Variants in MCC observed in about 807,000 individuals in gnomAD.
MCC encodes colorectal mutant cancer protein.
MCC carries 90 observed loss-of-function variants against 116.2 expected under a neutral mutation model. The observed-to-expected ratio is 0.77, with a 90% CI of 0.65 to 0.92. The LOEUF (loss-of-function observed/expected upper bound fraction) is 0.92, where lower values mean the gene tolerates loss of function less well. MCC is among the 40% of genes least tolerant of loss of function. The probability of loss-of-function intolerance (pLI) is 0.00; values close to 1 mark genes in which losing one functional copy is unlikely to be tolerated. For synonymous variants in MCC, 578 were observed against 510.5 expected (o/e 1.13, Z -1.78); for missense variants, 1,516 against 1,312.2 (o/e 1.16, Z -2.40).
intron 3 of MCC, among the ~76,000 whole-genome samples, chr5:113,253,402 G>A (rs143084562): frequency 5.6e-4 from 86 of 152,304 alleles, no homozygotes; most frequent in African/African-American, 1.9e-3. Context: ...CTGCCAGGAG[G>A]GACTTGCAGA....
intron 8 of MCC, among the ~76,000 whole-genome samples, 194 bp from the exon 9 acceptor site, chr5:113,085,504 C>G (rs1428247681): frequency 6.6e-6 from 1 of 151,866 alleles, no homozygotes; most frequent in East Asian, 1.9e-4. Context: ...GAATCGGTTT[C>G]TTAAATCACA....
chr5:113,190,100 G>A (rs1406920935), intron 3 of MCC, among the ~76,000 whole-genome samples: 2 of 152,218 alleles, frequency 1.3e-5, no homozygotes, highest in East Asian at 3.8e-4. Context: ...GTGTTAAGGT[G>A]TCTATAAGGT....
At chr5:113,048,041 G>T (rs1350407589) in intron 16 of MCC, among the ~76,000 whole-genome samples, 2 of 152,216 alleles carry the variant, frequency 1.3e-5, no homozygotes, top group Non-Finnish European at 2.9e-5. Context: ...GGAGAGAAGA[G>T]AGCCCGTTAG....
At chr5:113,379,643 T>C (rs1480800132) in intron 2 of MCC, among the ~76,000 whole-genome samples, 1 of 152,208 alleles carries the variant, frequency 6.6e-6, no homozygotes, top group East Asian at 1.9e-4. Context: ...ATTTGTATTA[T>C]TGCTACAAGT....
At chr5:113,121,380 T>C (rs1164990297) in intron 6 of MCC, among the ~76,000 whole-genome samples, 1 of 152,232 alleles carries the variant, frequency 6.6e-6, no homozygotes, top group Admixed American at 6.5e-5. Context: ...TGTAAGACTC[T>C]GCATGGCCTA....
intron 8 of MCC, among the ~76,000 whole-genome samples, chr5:113,092,803 T>C (rs980803259): frequency 2.6e-5 from 4 of 152,178 alleles, no homozygotes; most frequent in African/African-American, 9.7e-5. Flanking sequence ...GGGTACTTGG[T>C]CAAAGCAAGA....
At chr5:113,442,795 G>T (rs940406776) in intron 1 of MCC, among the ~76,000 whole-genome samples, 1 of 152,180 alleles carries the variant, frequency 6.6e-6, no homozygotes, top group Non-Finnish European at 1.5e-5. Context: ...GTTTGTCAAA[G>T]ATCAGATAGT....
At chr5:113,039,742 T>C (rs1349131435) in intron 17 of MCC, among the ~76,000 whole-genome samples, 1 of 113,280 alleles carries the variant, frequency 8.8e-6, no homozygotes, top group African/African-American at 3.5e-5. Flanking sequence ...CAGGATCACA[T>C]GGAGAGCAGC....
chr5:113,151,330 T>C lies in MCC; in HGVS notation c.720A>G (p.Glu240=), dbSNP rs370741528. 2.0e-5 allele frequency: 32 copies of C among 1,613,260 alleles called. No individual in the cohort carries two copies. Among genetic ancestry groups the C allele is most frequent in the African/African-American group, 1.1e-4 (8 of 74,910 alleles). Residue 240 remains glutamate, a synonymous_variant, in exon 4 of 19, where the codon GAA becomes GAG. Coordinates refer to ENST00000408903, the MANE Select transcript of MCC (RefSeq NM_001085377.2). ...QQTERERDLL[E]KKLAKAQCEQ... The stretch of plus-strand genomic sequence containing the variant: ...TTACCTGTGCCTTGGCCAATTTCTT[T>C]TCCAGAAGGTCCCGTTCCCTCTCTG...
chr5:113,317,008 T>C (rs775569881), intron 3 of MCC, among the ~76,000 whole-genome samples: 2 of 152,250 alleles, frequency 1.3e-5, no homozygotes, highest in Non-Finnish European at 1.5e-5. Flanking sequence ...TCCTGATTCC[T>C]TTTAGTTATT....
intron 1 of MCC, among the ~76,000 whole-genome samples, chr5:113,386,427 C>G (rs1769256320): frequency 1.3e-5 from 2 of 152,088 alleles, no homozygotes; most frequent in Non-Finnish European, 2.9e-5. Context: ...CTCATTCACT[C>G]CTCCTTATCC....
chr5:113,209,720 G>A (rs1257207842), intron 3 of MCC, among the ~76,000 whole-genome samples: 3 of 152,132 alleles, frequency 2.0e-5, no homozygotes, highest in African/African-American at 7.2e-5. Context: ...TAGTGTCAGT[G>A]GGTCAGGAGC....
At chr5:113,467,455 G>T (rs1340383267) in intron 1 of MCC, among the ~76,000 whole-genome samples, 13 of 152,170 alleles carry the variant, frequency 8.5e-5, no homozygotes, top group Non-Finnish European at 1.2e-4. Context: ...CTTTCCCATT[G>T]CTTGTTTTTG....
At chr5:113,085,138 C>G (rs201658365) in intron 9 of MCC, 26 bp downstream of exon 9, 1 of 1,613,786 alleles carries the variant, frequency 6.2e-7, no homozygotes, top group African/African-American at 1.3e-5. Flanking sequence ...TGTTCCCGCT[C>G]ATCGGGTCCA....
At chr5:113,088,365 G>C (rs1165101684) in intron 8 of MCC, among the ~76,000 whole-genome samples, 1 of 151,834 alleles carries the variant, frequency 6.6e-6, no homozygotes, top group South Asian at 2.1e-4. Flanking sequence ...ATAGTTAATA[G>C]AGTTCTCACT....
chr5:113,471,175 C>T (rs1012616995), intron 1 of MCC, among the ~76,000 whole-genome samples: 23 of 152,330 alleles, frequency 1.5e-4, no homozygotes, highest in Middle Eastern at 3.4e-3. Flanking sequence ...TCTCTCAACT[C>T]GTCAAAGTCA....
intron 16 of MCC, among the ~76,000 whole-genome samples, chr5:113,048,012 G>A (rs1752225288): frequency 6.6e-6 from 1 of 152,184 alleles, no homozygotes; most frequent in Non-Finnish European, 1.5e-5. Flanking sequence ...GCAGGAAGGA[G>A]TCAAGGAGGA....
At chr5:113,433,698 G>T in intron 1 of MCC, 1 of 1,581,150 alleles carries the variant, frequency 6.3e-7, no homozygotes, top group Non-Finnish European at 8.6e-7. Context: ...TGGGCTTTAA[G>T]CCGTGAGCTC....
chr5:113,051,204 C>T lies in MCC; in HGVS notation c.2449-1905G>A, dbSNP rs372445167. 1.3e-3 allele frequency among the ~76,000 whole-genome samples: 200 copies of T among 152,212 alleles called. 3 individuals carry two copies. The South Asian group carries it at 0.04, about 30-fold the overall frequency. On this transcript the variant is annotated intron_variant, in intron 15 of 18. Coordinates refer to ENST00000408903, the MANE Select transcript of MCC (RefSeq NM_001085377.2). ...GCAACCCAGGATCCTCAGGGCCCCA[C>T]GGAAGACAGTTTCCACAGAGGATGA...
Sources: gnomAD v4.1 joint callset for allele counts (sites outside exome capture counted in the v4.1 genomes callset) on GRCh38, gnomAD v4.1.1 for gene constraint, MANE v1.5 for transcripts, NCBI Gene and HGNC (gene_info 2026-07-23, HGNC 2026-07-21) for gene names.